Variants in DGKD observed in about 807,000 individuals in gnomAD.
DGKD encodes DAG kinase delta.
In DGKD, 68 loss-of-function variants were observed where a neutral mutation model predicts 154.4. The ratio of observed to expected loss-of-function variants is 0.44; its 90% CI spans 0.36 to 0.54. The LOEUF (loss-of-function observed/expected upper bound fraction) is 0.54. DGKD is among the 20% of genes least tolerant of loss of function. The pLI, the probability that DGKD is intolerant of heterozygous loss-of-function variation, is 0.00. For synonymous variants in DGKD, 693 were observed against 638.0 expected (o/e 1.09, Z -1.30); for missense variants, 1,343 against 1,593.6 (o/e 0.84, Z 2.68).
In DGKD at chr2:233,354,543, C is replaced by T. The variant is rs1216021251; in HGVS notation, c.25C>T (p.Pro9Ser). 1.0e-6 allele frequency: 1 copy of T among 1,004,988 alleles called. No individual in the cohort carries two copies. Among genetic ancestry groups the T allele is most frequent in the African/African-American group, 1.8e-5 (1 of 56,824 alleles). The allele number at this position is 1,004,988 out of a possible 1,614,324, so 62.3% of individuals were successfully genotyped here. MAAAAGAP[P>S]PGPPQPPPPP... ...CATGGCGGCGGCGGCGGGCGCCCCT[C>T]CGCCGGGTCCCCCGCAACCGCCTCC... Residue 9 changes from proline (P) to serine (S), a missense_variant, in exon 1 of 30, where the codon CCG becomes TCG. This residue lies in a region of DGKD where 57 missense variants were observed against 27.8 expected (regional missense o/e 2.05). Coordinates refer to ENST00000264057, the MANE Select transcript of DGKD (RefSeq NM_152879.3). The surrounding 1 kb of genome is among the most constrained non-coding windows in gnomAD (Gnocchi z 4.8).
chr2:233,453,243 G>T (rs563141095), intron 18 of DGKD, among the ~76,000 whole-genome samples: 2 of 152,208 alleles, frequency 1.3e-5, no homozygotes, highest in East Asian at 3.9e-4. Flanking sequence ...GCCGTATTGT[G>T]TGGGCCCCAT....
rs537163102 is a variant in DGKD at position 233,398,190 on chromosome 2, T to G, written c.348+7707T>G. Among the ~76,000 whole-genome samples the G allele has an allele frequency of 2.7e-5, 4 of 150,812 alleles. No homozygotes were observed. The East Asian group carries it at 7.9e-4, about 30-fold the overall frequency. ...TGGAGTCTCGCTCTGTTGCCCAGGC[T>G]GGAGTGCAGTGGTGCGATCTTGGCT... On this transcript the variant is annotated intron_variant, in intron 3 of 29. Coordinates refer to ENST00000264057, the MANE Select transcript of DGKD (RefSeq NM_152879.3).
At chr2:233,374,962 C>T (rs1702493982) in intron 1 of DGKD, among the ~76,000 whole-genome samples, 1 of 152,198 alleles carries the variant, frequency 6.6e-6, no homozygotes, top group African/African-American at 2.4e-5. Flanking sequence ...ACATACCATG[C>T]CCAGCCCCAC....
chr2:233,375,068 T>A (rs1219116032), intron 1 of DGKD, among the ~76,000 whole-genome samples: 1 of 152,108 alleles, frequency 6.6e-6, no homozygotes, highest in Non-Finnish European at 1.5e-5. Context: ...GTCCGGTGGA[T>A]CACCCGATGT....
Position 233,388,306 on chromosome 2 carries a change from G to A in DGKD, c.206G>A (p.Arg69Gln), listed in dbSNP as rs1430581118. Residue 69 changes from arginine (R) to glutamine (Q), a missense_variant, in exon 2 of 30, where the codon CGA (arginine) becomes CAA (glutamine). By Grantham distance (43) the Arg-to-Gln change is conservative. Coordinates refer to ENST00000264057, the MANE Select transcript of DGKD (RefSeq NM_152879.3). ...ACCAAACAGAACAATTCATTCCAGC[G>A]ATCAAAAAGGAGATACTTTAAGCTT... ...MLTKQNNSFQRSKRRYFKLRG... is the reference protein window; with the variant it reads ...MLTKQNNSFQQSKRRYFKLRG... 1.9e-6 allele frequency: 3 copies of A among 1,613,832 alleles called. No homozygotes were observed. The highest frequency in any genetic ancestry group is 2.7e-5 in the African/African-American group (2 of 74,898).
At position 233,448,176 on chromosome 2, in the gene DGKD, G is replaced by T; in HGVS notation, c.1509G>T (p.Ser503=). The T allele has an allele frequency of 1.9e-6, 3 of 1,613,938 alleles. No individual in the cohort carries two copies. The highest frequency in any genetic ancestry group is 2.5e-6 in the Non-Finnish European group (3 of 1,179,968). ...ACCAGCACTCGGTGGTCATCTCCTC[G>T]GCCAAGTGAGTGCCTGGTGGCCCTG... ...TSDQHSVVIS[S]AKVLCETVKD... The change falls in exon 13 of 30, where the codon TCG becomes TCT. Residue 503 remains serine (S), a synonymous_variant. Transcript: ENST00000264057.
chr2:233,466,742 G>T lies in DGKD; in HGVS notation c.3307-344G>T, dbSNP rs1285452458. On this transcript the variant is annotated intron_variant, in intron 27 of 29. Transcript: ENST00000264057. ...AAAGCCCAGCAATCCAACACTAGAA[G>T]ATTGGCTAAAGAGGTTATTTTAATA... Among the ~76,000 whole-genome samples, 3 of 152,198 alleles carry T rather than the reference G, an allele frequency of 2.0e-5. No individual in the cohort carries two copies. In the East Asian group the frequency reaches 5.8e-4, roughly 29 times the overall value.
chr2:233,442,780 A>G (rs1292641410), intron 10 of DGKD, among the ~76,000 whole-genome samples: 1 of 151,956 alleles, frequency 6.6e-6, no homozygotes, highest in East Asian at 1.9e-4. Context: ...TAATTTTTGT[A>G]TTTTTAGTAG....
At chr2:233,427,585 A>G (rs1408148861) in intron 3 of DGKD, among the ~76,000 whole-genome samples, 2 of 151,616 alleles carry the variant, frequency 1.3e-5, no homozygotes, top group African/African-American at 4.8e-5. Context: ...CAAGTGATCT[A>G]CCTGCCTCGG....
rs552729024 is a variant in DGKD at position 233,398,441 on chromosome 2, G to A, written c.348+7958G>A. ...ATTAAAGGTGTGAGCCACCGCGCCC[G>A]GCCAATAGGTAAAATATTTTTTAAA... is the stretch of plus-strand genomic sequence containing the variant. On this transcript the variant is annotated intron_variant, in intron 3 of 29. Coordinates refer to ENST00000264057, the MANE Select transcript of DGKD (RefSeq NM_152879.3). 5.9e-5 allele frequency among the ~76,000 whole-genome samples: 9 copies of A among 151,752 alleles called. No homozygotes were observed. In the South Asian group the frequency reaches 6.3e-4, roughly 11 times the overall value.
chr2:233,369,646 C>T (rs941252799), intron 1 of DGKD, among the ~76,000 whole-genome samples: 8 of 152,128 alleles, frequency 5.3e-5, no homozygotes, highest in East Asian at 1.9e-4. Context: ...TGCCAGGCTG[C>T]GGGTTTGAAT....
chr2:233,456,228 C>G (rs2063457020), intron 19 of DGKD, among the ~76,000 whole-genome samples: 1 of 152,192 alleles, frequency 6.6e-6, no homozygotes, highest in Admixed American at 6.5e-5. Flanking sequence ...ATTTCCAGAG[C>G]TCAGGCATGG....
Position 233,441,862 on chromosome 2 carries a change from C to G in DGKD, c.1086-25C>G, listed in dbSNP as rs780730543. 1 of 1,602,854 alleles carries G rather than the reference C, an allele frequency of 6.2e-7. No homozygotes were observed. On this transcript the variant is annotated intron_variant, in intron 9 of 29. Transcript: ENST00000264057. The surrounding 1 kb of genome is among the most constrained non-coding windows in gnomAD (Gnocchi z 5.6). ...TTGTCCTGTGGAATGGATGTCATTT[C>G]ACGGCCTTTCTCTTTTCTCTGCAGC...
Position 233,457,656 on chromosome 2 carries a change from G to T in DGKD, c.2580+328G>T. On this transcript the variant is annotated intron_variant, in intron 21 of 29. Transcript: ENST00000264057. The surrounding 1 kb of genome is among the most constrained non-coding windows in gnomAD (Gnocchi z 5.5). The stretch of plus-strand genomic sequence containing the variant: ...TGGAGTTGGCTAAGTTAGGTGGGCA[G>T]AGGAGAGGGGGAGGCTGTTCCAGGC... 2.1e-6 allele frequency: 1 copy of T among 480,448 alleles called. No homozygotes were observed. 29.8% of individuals were successfully genotyped at this position (480,448 alleles called of 1,614,324 possible).
At chr2:233,461,729 G>A (rs993152486) in intron 24 of DGKD, among the ~76,000 whole-genome samples, 1 of 152,248 alleles carries the variant, frequency 6.6e-6, no homozygotes, top group African/African-American at 2.4e-5. Context: ...TGCTGGCAGC[G>A]GCCTGTTTCC....
chr2:233,432,408 C>G (rs1402933959), intron 3 of DGKD, among the ~76,000 whole-genome samples: 3 of 141,614 alleles, frequency 2.1e-5, no homozygotes, highest in Non-Finnish European at 4.6e-5. Flanking sequence ...GCCTGTAATC[C>G]CAGCACTTTG....
At position 233,464,297 on chromosome 2, in the gene DGKD, A is replaced by G; in HGVS notation, c.3306+14A>G. ...GGCGACGAAGAGGTATGTGGCTCAT[A>G]GGGCTGTGCCTGGGTCTCCCGGACA... is the stretch of plus-strand genomic sequence containing the variant. On this transcript the variant is annotated intron_variant, in intron 27 of 29. Transcript: ENST00000264057. The G allele has an allele frequency of 6.2e-7, 1 of 1,612,668 alleles. No homozygotes were observed. The highest frequency in any genetic ancestry group is 8.5e-7 in the Non-Finnish European group (1 of 1,179,360).
chr2:233,439,371 G>A lies in DGKD; in HGVS notation c.1085+992G>A, dbSNP rs1046594140. ...GGGTAAGAGGAACATGCTGCTCGTC[G>A]TTGGTCCTGTGGGTGTCTTCTGTGT... On this transcript the variant is annotated intron_variant, in intron 9 of 29. Coordinates refer to ENST00000264057, the MANE Select transcript of DGKD (RefSeq NM_152879.3). Among the ~76,000 whole-genome samples the A allele has an allele frequency of 5.3e-5, 8 of 152,198 alleles. No homozygotes were observed. The East Asian group carries it at 9.6e-4, about 18-fold the overall frequency.
Position 233,438,250 on chromosome 2 carries a change from C to G in DGKD, c.956C>G (p.Thr319Arg). 1 of 1,614,196 alleles carries G rather than the reference C, an allele frequency of 6.2e-7. No individual in the cohort carries two copies. Among genetic ancestry groups the G allele is most frequent in the Non-Finnish European group, 8.5e-7 (1 of 1,180,026 alleles). The part of the protein sequence containing the change: ...FWKASCPPSC[T>R]SPLLVFVNSK... ...AAGGCCAGCTGTCCTCCTTCTTGCA[C>G]AAGCCCACTGTTGGTCTTCGTCAAT... Residue 319 changes from threonine to arginine, a missense_variant, in exon 9 of 30, where the codon ACA (threonine) becomes AGA (arginine). By Grantham distance (71) the Thr-to-Arg change is moderately conservative (BLOSUM62 -1). Coordinates refer to ENST00000264057, the MANE Select transcript of DGKD (RefSeq NM_152879.3). The surrounding 1 kb of genome is among the most constrained non-coding windows in gnomAD (Gnocchi z 4.1).
Sources: allele counts gnomAD v4.1 joint callset (sites outside exome capture counted in the v4.1 genomes callset), GRCh38; gene constraint gnomAD v4.1.1; regional missense constraint gnomAD v4.1.1; non-coding constraint Gnocchi (gnomAD v3.1); transcripts MANE v1.5; gene names NCBI Gene and HGNC (gene_info 2026-07-23, HGNC 2026-07-21).